ADAMTSL1: variants seen among roughly 807,000 people sequenced by gnomAD.
ADAMTSL1 encodes ADAMTS like 1, also known as ADAMTS-like protein 1.
In ADAMTSL1, 126 loss-of-function variants were observed where a neutral mutation model predicts 201.8. That is an observed-to-expected ratio of 0.62 (90% CI 0.54 to 0.72). ADAMTSL1 has a LOEUF of 0.72. Among genes scored for constraint, ADAMTSL1 ranks in the 30% least tolerant of loss-of-function variants. ADAMTSL1 has a pLI of 0.00. For synonymous variants in ADAMTSL1, 1,121 were observed against 903.4 expected (o/e 1.24, Z -4.32); for missense variants, 2,679 against 2,277.8 (o/e 1.18, Z -3.59).
At chr9:18,268,310 A>G (rs1587432540) in intron 2 of ADAMTSL1, among the ~76,000 whole-genome samples, 1 of 152,124 alleles carries the variant, frequency 6.6e-6, no homozygotes, top group African/African-American at 2.4e-5. Context: ...TTTGGGGCAT[A>G]TTGGTTCCCA....
At chr9:18,137,273 T>C (rs1005449492) in intron 1 of ADAMTSL1, among the ~76,000 whole-genome samples, 2 of 152,184 alleles carry the variant, frequency 1.3e-5, no homozygotes, top group East Asian at 3.8e-4. Flanking sequence ...TTAACATAAG[T>C]TTGAAAACAG....
At chr9:18,146,336 G>A (rs761909464) in intron 1 of ADAMTSL1, among the ~76,000 whole-genome samples, 5 of 152,048 alleles carry the variant, frequency 3.3e-5, no homozygotes, top group Admixed American at 6.6e-5. Flanking sequence ...ATCAAAAATC[G>A]CAAGAAACCA....
intron 1 of ADAMTSL1, among the ~76,000 whole-genome samples, chr9:18,501,368 G>A (rs972183455): frequency 8.0e-4 from 121 of 151,880 alleles, no homozygotes; most frequent in Non-Finnish European, 3.4e-4. Context: ...AAAATTAGCC[G>A]GGCGTGCCGA....
intron 3 of ADAMTSL1, among the ~76,000 whole-genome samples, chr9:18,544,359 C>G (rs1820345914): frequency 6.6e-6 from 1 of 152,158 alleles, no homozygotes; most frequent in African/African-American, 2.4e-5. Context: ...GACAATTTCA[C>G]TCTTGTTCAT....
chr9:18,754,374 A>G (rs376780357), intron 16 of ADAMTSL1, among the ~76,000 whole-genome samples: 7 of 152,342 alleles, frequency 4.6e-5, no homozygotes, highest in African/African-American at 7.2e-5. Flanking sequence ...GGTTGATTGC[A>G]TACAATCTTA....
At chr9:18,833,228 C>A (rs1372610522) in intron 23 of ADAMTSL1, among the ~76,000 whole-genome samples, 3 of 152,162 alleles carry the variant, frequency 2.0e-5, no homozygotes, top group African/African-American at 7.2e-5. Context: ...CATAGAAATG[C>A]CCAGTAGAGG....
chr9:18,076,442 C>G (rs1265470032), intron 1 of ADAMTSL1, among the ~76,000 whole-genome samples: 3 of 152,114 alleles, frequency 2.0e-5, no homozygotes, highest in Admixed American at 6.5e-5. Flanking sequence ...CATGCATGAT[C>G]ATAAGTGGCT....
chr9:18,031,429 C>T (rs1477834179), intron 1 of ADAMTSL1, among the ~76,000 whole-genome samples: 1 of 151,856 alleles, frequency 6.6e-6, no homozygotes, highest in African/African-American at 2.4e-5. Flanking sequence ...GTTTGGGTTT[C>T]TTTGTTGTAG....
In ADAMTSL1 at chr9:17,990,719, T is replaced by C. The variant is rs567655960; in HGVS notation, c.87+83797T>C. ...AACTCTCTAGAAGTGGTCATAACCA[T>C]TGCTTTTTTTCTAAGCTGAGCCACG... is the stretch of plus-strand genomic sequence containing the variant. On this transcript the variant is annotated intron_variant, in intron 1 of 29. Transcript: ENST00000680146. Among the ~76,000 whole-genome samples, 160 of 152,216 alleles carry C rather than the reference T, an allele frequency of 1.1e-3. 1 individual carries two copies. The highest frequency in any genetic ancestry group is 3.7e-3 in the African/African-American group (154 of 41,554).
chr9:18,023,689 A>C (rs1820574096), intron 1 of ADAMTSL1, among the ~76,000 whole-genome samples: 1 of 152,156 alleles, frequency 6.6e-6, no homozygotes, highest in Non-Finnish European at 1.5e-5. Flanking sequence ...GTAGCCATCT[A>C]TACATAATAT....
intron 1 of ADAMTSL1, among the ~76,000 whole-genome samples, chr9:18,122,361 C>T (rs2131925203): frequency 6.6e-6 from 1 of 152,222 alleles, no homozygotes; most frequent in South Asian, 2.1e-4. Context: ...GGGTGAGCAC[C>T]AGATGGTAGA....
At chr9:18,518,458 A>G (rs898103153) in intron 2 of ADAMTSL1, among the ~76,000 whole-genome samples, 1 of 152,188 alleles carries the variant, frequency 6.6e-6, no homozygotes, top group African/African-American at 2.4e-5. Flanking sequence ...AGCTCCATCC[A>G]TGTTGCCGTA....
intron 2 of ADAMTSL1, among the ~76,000 whole-genome samples, chr9:18,381,918 G>C (rs1199044868): frequency 6.6e-6 from 1 of 152,052 alleles, no homozygotes; most frequent in Non-Finnish European, 1.5e-5. Flanking sequence ...AAAGTGTAGT[G>C]GTTTTCGATG....
At chr9:17,933,611 C>T (rs1291220928) in intron 1 of ADAMTSL1, among the ~76,000 whole-genome samples, 1 of 152,110 alleles carries the variant, frequency 6.6e-6, no homozygotes, top group African/African-American at 2.4e-5. Context: ...CACAGTTCTG[C>T]AGGAACTATA....
At chr9:18,830,732 G>C (rs138240416) in intron 23 of ADAMTSL1, among the ~76,000 whole-genome samples, 6 of 152,128 alleles carry the variant, frequency 3.9e-5, no homozygotes, top group South Asian at 2.1e-4. Context: ...GGCCTGGTGG[G>C]GGGGTGGGGA....
rs150853312 is a variant in ADAMTSL1, at chr9:18,267,504, A to G, written c.207+103523A>G. On this transcript the variant is annotated intron_variant, in intron 2 of 29. Transcript: ENST00000680146. ...ATGGCAGGAAATGTAAAATTTGTGC[A>G]TTACCATGCTTCAGCGCATGGCTTA... 1.4e-3 allele frequency among the ~76,000 whole-genome samples: 207 copies of G among 152,242 alleles called. 3 individuals are homozygous for G. Among genetic ancestry groups the G allele is most frequent in the Admixed American group, 0.012 (187 of 15,270 alleles).
At chr9:18,430,344 C>T (rs149319353) in intron 2 of ADAMTSL1, among the ~76,000 whole-genome samples, 1 of 152,288 alleles carries the variant, frequency 6.6e-6, no homozygotes, top group African/African-American at 2.4e-5. Context: ...GTGTGCTCGC[C>T]TGAGTTCTCC....
At chr9:18,323,178 G>T (rs1324088533) in intron 2 of ADAMTSL1, among the ~76,000 whole-genome samples, 1 of 152,070 alleles carries the variant, frequency 6.6e-6, no homozygotes, top group Non-Finnish European at 1.5e-5. Flanking sequence ...TACTAAAAAA[G>T]ATTAATAGAA....
At chr9:18,260,901 CT>C (rs1291806279) in intron 2 of ADAMTSL1, among the ~76,000 whole-genome samples, 3 of 151,884 alleles carry the variant, frequency 2.0e-5, no homozygotes, top group Non-Finnish European at 4.4e-5. Context: ...AAACACTCTT[CT>C]TTTTTTCCTT....
Sources: allele counts gnomAD v4.1 joint callset (sites outside exome capture counted in the v4.1 genomes callset), GRCh38; gene constraint gnomAD v4.1.1; transcripts MANE v1.5; gene names NCBI Gene and HGNC (gene_info 2026-07-23, HGNC 2026-07-21).